Variants in UBE3A observed in about 807,000 individuals in gnomAD.
The protein encoded by UBE3A is ubiquitin-protein ligase E3A.
UBE3A carries 6 observed loss-of-function variants against 83.4 expected under a neutral mutation model. The ratio of observed to expected loss-of-function variants is 0.07; its 90% CI spans 0.04 to 0.14. UBE3A has a LOEUF of 0.14. UBE3A is among the 10% of genes least tolerant of loss of function. UBE3A has a pLI of 1.00. For missense variants in UBE3A, 456 were observed against 1,036.1 expected (o/e 0.44, Z 7.69); for synonymous variants, 337 against 355.4 (o/e 0.95, Z 0.58).
chr15:25,341,122 T>C (rs1018102698), intron 11 of UBE3A, among the ~76,000 whole-genome samples: 1 of 151,712 alleles, frequency 6.6e-6, no homozygotes, highest in African/African-American at 2.4e-5. Context: ...CAGGCTGGAG[T>C]GCAGTGGCGC....
chr15:25,355,426 C>T (rs1225739126), intron 9 of UBE3A, among the ~76,000 whole-genome samples: 1 of 152,108 alleles, frequency 6.6e-6, no homozygotes, highest in Non-Finnish European at 1.5e-5. Context: ...TTGTTATGTT[C>T]TGGGTTATTC....
intron 9 of UBE3A, among the ~76,000 whole-genome samples, chr15:25,355,499 A>G (rs1320046638): frequency 4.6e-5 from 7 of 152,190 alleles, no homozygotes; most frequent in Admixed American, 2.6e-4. Context: ...TATACTTTTC[A>G]GAAATGTATT....
intron 3 of UBE3A, chr15:25,408,592 G>A (rs1417449101): frequency 8.7e-6 from 14 of 1,613,596 alleles, no homozygotes; most frequent in Non-Finnish European, 1.1e-5. Context: ...ACTGCAGCAT[G>A]AGCTAGCAAA....
intron 4 of UBE3A, among the ~76,000 whole-genome samples, chr15:25,403,223 T>A (rs1316781728): frequency 6.6e-6 from 1 of 152,230 alleles, no homozygotes; most frequent in East Asian, 1.9e-4. Context: ...GTTTCTGATT[T>A]CAGGTAGCCA....
intron 1 of UBE3A, among the ~76,000 whole-genome samples, chr15:25,414,100 C>T (rs548635635): frequency 1.3e-5 from 2 of 152,298 alleles, no homozygotes; most frequent in African/African-American, 2.4e-5. Context: ...ATATTACCAA[C>T]GGTACACATC....
chr15:25,381,363 G>A (rs551260595), intron 4 of UBE3A, among the ~76,000 whole-genome samples: 1 of 152,182 alleles, frequency 6.6e-6, no homozygotes, highest in African/African-American at 2.4e-5. Flanking sequence ...GCCAGAAAGT[G>A]AAGATGTGAC....
Position 25,414,187 on chromosome 15 carries a change from T to C in UBE3A, c.-164-2216A>G, listed in dbSNP as rs117513283. ...AATTATTTTCCCAAAGAACTCACTC[T>C]GCCTAATCTCACTGTCCTGGTTAAG... is the stretch of plus-strand genomic sequence containing the variant. On this transcript the variant is annotated intron_variant, in intron 1 of 12. Coordinates refer to ENST00000648336, the MANE Select transcript of UBE3A (RefSeq NM_130839.5). Among the ~76,000 whole-genome samples, 4 of 152,318 alleles carry C rather than the reference T, an allele frequency of 2.6e-5. No homozygotes were observed. In the East Asian group the frequency reaches 7.7e-4, roughly 29 times the overall value.
rs1050274495 is a variant in UBE3A, at chr15:25,372,999, G to T, written c.362-1187C>A. ...AAATACCAAATTTTATCATACTAAG[G>T]ATCTGATCTGTGGCCCAGCTACAAG... On this transcript the variant is annotated intron_variant, in intron 5 of 12. Transcript: ENST00000648336. 5.3e-5 allele frequency among the ~76,000 whole-genome samples: 8 copies of T among 152,212 alleles called. No homozygotes were observed. The South Asian group carries it at 1.5e-3, about 28-fold the overall frequency.
intron 4 of UBE3A, among the ~76,000 whole-genome samples, chr15:25,389,587 G>A (rs1164071662): frequency 1.3e-5 from 2 of 152,166 alleles, no homozygotes; most frequent in African/African-American, 2.4e-5. Flanking sequence ...ATCTGATAAA[G>A]AACTATTAAC....
At chr15:25,384,045 C>T (rs1020884704) in intron 4 of UBE3A, among the ~76,000 whole-genome samples, 5 of 152,014 alleles carry the variant, frequency 3.3e-5, no homozygotes, top group African/African-American at 9.7e-5. Flanking sequence ...TTTCTAAATA[C>T]TAAAAATGAA....
At chr15:25,437,853 G>A (rs563733352) in intron 1 of UBE3A, among the ~76,000 whole-genome samples, 15 of 151,906 alleles carry the variant, frequency 9.9e-5, no homozygotes, top group African/African-American at 2.9e-4. Flanking sequence ...ACTGAAAAGG[G>A]GGGGGAAAAA....
chr15:25,425,638 C>T (rs1200155329), intron 1 of UBE3A, among the ~76,000 whole-genome samples: 1 of 151,990 alleles, frequency 6.6e-6, no homozygotes, highest in African/African-American at 2.4e-5. Context: ...CACTTAACAA[C>T]TGTTAAGTTT....
intron 3 of UBE3A, chr15:25,407,125 CCAGA>C (rs1178882203): frequency 7.4e-7 from 1 of 1,350,466 alleles, no homozygotes; most frequent in South Asian, 1.1e-5. Flanking sequence ...CTTGTATCTC[CCAGA>C]CAGAAGAGCT....
chr15:25,386,540 G>A (rs2083172266), intron 4 of UBE3A, among the ~76,000 whole-genome samples: 1 of 152,016 alleles, frequency 6.6e-6, no homozygotes, highest in African/African-American at 2.4e-5. Flanking sequence ...ACAAAAAACA[G>A]AACACTGTAA....
At chr15:25,406,222 T>C (rs1208020531) in intron 3 of UBE3A, among the ~76,000 whole-genome samples, 3 of 152,228 alleles carry the variant, frequency 2.0e-5, no homozygotes, top group Non-Finnish European at 4.4e-5. Flanking sequence ...ATTCTAATGA[T>C]GATTATCTTG....
chr15:25,354,379 G>A lies in UBE3A; in HGVS notation c.2328C>T (p.Gly776=). The stretch of plus-strand genomic sequence containing the variant: ...TAATCAGAACAGAGTCCCTGGTATA[G>A]CCACCGTCATATTCTGTAGTTTCTT... ...ALEETTEYDG[G]YTRDSVLIRE... is the part of the protein sequence containing the mutation. Residue 776 remains glycine, a synonymous_variant, in exon 11 of 13, where the codon GGC becomes GGT. Coordinates refer to ENST00000648336, the MANE Select transcript of UBE3A (RefSeq NM_130839.5). 1 of 1,613,720 alleles carries A rather than the reference G, an allele frequency of 6.2e-7. No homozygotes were observed. The highest frequency in any genetic ancestry group is 8.5e-7 in the Non-Finnish European group (1 of 1,179,900).
rs202121729 is a variant in UBE3A at position 25,370,521 on chromosome 15, A to G, written c.1608+45T>C. Reference sequence around the variant, plus strand: ...TAAAATGAATTCACTGAACTGTATCATGATATCCCCATTATTAGGTTTTTA... The same window carrying G: ...TAAAATGAATTCACTGAACTGTATCGTGATATCCCCATTATTAGGTTTTTA... On this transcript the variant is annotated intron_variant, in intron 6 of 12. Transcript: ENST00000648336. This position sits in a 1 kb window ranked among gnomAD's most constrained non-coding sequence, Gnocchi z 4.2. 27 of 1,609,166 alleles carry G rather than the reference A, an allele frequency of 1.7e-5. No individual in the cohort carries two copies. Among genetic ancestry groups the G allele is most frequent in the Admixed American group, 3.3e-5 (2 of 60,016 alleles).
intron 6 of UBE3A, among the ~76,000 whole-genome samples, chr15:25,360,941 CT>C (rs2077971121): frequency 6.6e-6 from 1 of 152,092 alleles, no homozygotes; most frequent in South Asian, 2.1e-4. Flanking sequence ...AGGGTTAAGT[CT>C]TAGTATCTAC....
chr15:25,398,190 A>AAC (rs1555415221), intron 4 of UBE3A, among the ~76,000 whole-genome samples: 12,397 of 96,628 alleles, frequency 0.13, 329 homozygotes, highest in Non-Finnish European at 0.2. Flanking sequence ...AAAAAAAAAA[A>AAC]ACACAAAAAA....
Sources: allele counts gnomAD v4.1 joint callset (sites outside exome capture counted in the v4.1 genomes callset), GRCh38; gene constraint gnomAD v4.1.1; non-coding constraint Gnocchi (gnomAD v3.1); transcripts MANE v1.5; gene names NCBI Gene and HGNC (gene_info 2026-07-23, HGNC 2026-07-21).